The following RYR1 variants were observed in gnomAD, a reference collection of about 807,000 sequenced individuals.
RYR1 encodes central core disease of muscle.
In RYR1, 342 loss-of-function variants were observed where a neutral mutation model predicts 583.5. The observed-to-expected ratio is 0.59, with a 90% CI of 0.54 to 0.64. The LOEUF is 0.64. RYR1 is among the 30% of genes least tolerant of loss of function. The pLI is 0.00. For synonymous variants in RYR1, 2,791 were observed against 2,822.5 expected (o/e 0.99, Z 0.35); for missense variants, 6,032 against 6,917.2 (o/e 0.87, Z 4.54).
At chr19:38,567,179 TA>T (rs371506438) in intron 92 of RYR1, among the ~76,000 whole-genome samples, 192 bp downstream of exon 92, 7 of 149,264 alleles carry the variant, frequency 4.7e-5, no homozygotes, top group African/African-American at 1.7e-4. Context: ...CTGGGCAACA[TA>T]AAAAAAAAAT....
chr19:38,476,261 C>T (rs570220180), intron 29 of RYR1, among the ~76,000 whole-genome samples: 14 of 151,622 alleles, frequency 9.2e-5, no homozygotes, highest in East Asian at 1.9e-4. Context: ...TGCAGTGGCG[C>T]GATCTCGGCT....
At chr19:38,448,040 G>A (rs946526966) in intron 9 of RYR1, among the ~76,000 whole-genome samples, 7 of 151,968 alleles carry the variant, frequency 4.6e-5, no homozygotes, top group African/African-American at 1.7e-4. Flanking sequence ...AGGCCTGAGA[G>A]AGGATTGGGG....
In RYR1 at chr19:38,499,905, C is replaced by T. The variant is rs1190472871; in HGVS notation, c.7215-3C>T. ...CTCCCCAACCCACCCACCTTCCCTG[C>T]AGCTTTGGTGAGGAACCGCCTGAAG... On this transcript the variant is annotated splice_polypyrimidine_tract_variant and splice_region_variant and intron_variant, in intron 44 of 105. Coordinates refer to ENST00000359596, the MANE Select transcript of RYR1 (RefSeq NM_000540.3). This position sits in a 1 kb window ranked among gnomAD's most constrained non-coding sequence, Gnocchi z 7.3. The T allele has an allele frequency of 5.0e-6, 8 of 1,613,728 alleles. No homozygotes were observed. Among genetic ancestry groups the T allele is most frequent in the Non-Finnish European group, 5.1e-6 (6 of 1,179,774 alleles).
chr19:38,559,044 G>A (rs910043366), intron 89 of RYR1, among the ~76,000 whole-genome samples: 5 of 151,616 alleles, frequency 3.3e-5, no homozygotes, highest in Non-Finnish European at 4.4e-5. Context: ...AGCCAAGATC[G>A]TGCCACTGCA....
rs1402639127 is a variant in RYR1 at position 38,475,302 on chromosome 19, C to A, written c.4161-16C>A. ...TTGAAAGCTGGCTCTCATGGCGCCT[C>A]TCCTCCCACTACCAGCTTCTTATTC... On this transcript the variant is annotated splice_polypyrimidine_tract_variant and intron_variant, in intron 28 of 105. Coordinates refer to ENST00000359596, the MANE Select transcript of RYR1 (RefSeq NM_000540.3). 1.9e-6 allele frequency: 3 copies of A among 1,565,166 alleles called. No homozygotes were observed. In the Admixed American group the frequency reaches 5.7e-5, roughly 30 times the overall value.
chr19:38,497,263 C>G (rs918688260), intron 42 of RYR1, among the ~76,000 whole-genome samples: 2 of 150,646 alleles, frequency 1.3e-5, no homozygotes, highest in Non-Finnish European at 2.9e-5. Context: ...GCAGTCTACA[C>G]TTCCGGGCTG....
chr19:38,496,206 C>T lies in RYR1; in HGVS notation c.6549-9C>T, dbSNP rs370994573. ...CCCTGGTGACCCCGCACACTCTGCC[C>T]GTGCACAGGAACATCATGAACAACA... On this transcript the variant is annotated splice_polypyrimidine_tract_variant and intron_variant, in intron 39 of 105. Transcript: ENST00000359596. The surrounding 1 kb of genome is among the most constrained non-coding windows in gnomAD (Gnocchi z 4.8). The T allele has an allele frequency of 9.3e-5, 150 of 1,611,602 alleles. 2 individuals are homozygous for T. Among genetic ancestry groups the T allele is most frequent in the South Asian group, 2.6e-4 (24 of 91,022 alleles).
At chr19:38,497,930 A>T (rs182622382) in intron 42 of RYR1, among the ~76,000 whole-genome samples, 218 of 152,122 alleles carry the variant, frequency 1.4e-3, no homozygotes, top group African/African-American at 4.9e-3. Flanking sequence ...AGCTATGGTC[A>T]CACCACTGCA....
At chr19:38,480,814 G>A (rs1176004897) in intron 31 of RYR1, among the ~76,000 whole-genome samples, 1 of 151,088 alleles carries the variant, frequency 6.6e-6, no homozygotes, top group Non-Finnish European at 1.5e-5. Flanking sequence ...GCATGGTCTT[G>A]GCTCACTGCA....
rs776549411 is a variant in RYR1, at chr19:38,523,358, C to T, written c.10440+49C>T. The T allele has an allele frequency of 4.3e-6, 7 of 1,609,414 alleles. No homozygotes were observed. In the Admixed American group the frequency reaches 6.7e-5, roughly 15 times the overall value. ...GCACTTGGCAGAGAGGGCGGGAGCA[C>T]CCTCTAGGACTTCCTACCTGGCCTG... On this transcript the variant is annotated intron_variant, in intron 69 of 105. Coordinates refer to ENST00000359596, the MANE Select transcript of RYR1 (RefSeq NM_000540.3).
intron 20 of RYR1, among the ~76,000 whole-genome samples, chr19:38,463,098 G>A (rs1006291135): frequency 8.1e-5 from 10 of 124,220 alleles, no homozygotes; most frequent in Admixed American, 2.2e-4. Flanking sequence ...GTGTTTCACC[G>A]TGTTGCCTAG....
intron 20 of RYR1, 114 bp downstream of exon 20, chr19:38,460,705 TG>T: frequency 9.5e-7 from 1 of 1,053,928 alleles, no homozygotes; most frequent in Non-Finnish European, 1.4e-6. Flanking sequence ...TGGCCAGGCG[TG>T]GTGGCTCACG....
rs1468571 is a variant in RYR1 at position 38,578,001 on chromosome 19, A to T, written c.14256A>T (p.Thr4752=). 6.2e-6 allele frequency: 10 copies of T among 1,613,846 alleles called. No individual in the cohort carries two copies. The African/African-American group carries it at 1.2e-4, about 19-fold the overall frequency. Residue 4752 remains threonine (T), a synonymous_variant, in exon 98 of 106, where the codon ACA becomes ACT. Transcript: ENST00000359596. ...TGGACCTGGCCACACTAGAGATCAC[A>T]GCCCACAATGAGCGCAAGCCCAACC... ...LGMDLATLEI[T]AHNERKPNPP... is the part of the protein sequence containing the mutation.
In RYR1 at chr19:38,586,151, G is replaced by A. The variant is rs200777598; in HGVS notation, c.14929G>A (p.Glu4977Lys). ...DYFDTTPHGF[E>K]THTLEEHNLA... ...CTTTGATACGACACCGCATGGCTTC[G>A]AGACTCACACGCTGGAGGAGCACAA... The change falls in exon 104 of 106, where the codon GAG (glutamate) becomes AAG (lysine). Residue 4977 changes from glutamate to lysine, a missense_variant. Coordinates refer to ENST00000359596, the MANE Select transcript of RYR1 (RefSeq NM_000540.3). 1 of 1,614,070 alleles carries A rather than the reference G, an allele frequency of 6.2e-7. No individual in the cohort carries two copies. The highest frequency in any genetic ancestry group is 8.5e-7 in the Non-Finnish European group (1 of 1,180,020).
chr19:38,486,185 C>T lies in RYR1; in HGVS notation c.5530C>T (p.Leu1844Phe), dbSNP rs1969286278. The change falls in exon 34 of 106, where the codon CTC becomes TTC. Residue 1844 changes from leucine (L) to phenylalanine (F), a missense_variant. Leu to Phe is a conservative substitution (Grantham distance 22). Around this residue, in one of 11 missense-constraint regions of RYR1, gnomAD observed 2,627 missense variants for 2,961.3 expected, o/e 0.89. Coordinates refer to ENST00000359596, the MANE Select transcript of RYR1 (RefSeq NM_000540.3). The part of the protein sequence containing the change: ...VEFQFVPVLK[L>F]VSTLLVMGIF... ...GTTCCAGTTTGTGCCTGTGCTCAAG[C>T]TCGTGTCCACCCTGCTGGTAATGGC... The T allele has an allele frequency of 6.2e-7, 1 of 1,612,824 alleles. No individual in the cohort carries two copies. Among genetic ancestry groups the T allele is most frequent in the African/African-American group, 1.3e-5 (1 of 74,910 alleles).
chr19:38,488,762 C>A, intron 34 of RYR1, among the ~76,000 whole-genome samples: 1 of 152,160 alleles, frequency 6.6e-6, no homozygotes, highest in African/African-American at 2.4e-5. Context: ...GCCTTGGTCT[C>A]CCAAAGTGCT....
At chr19:38,577,866 C>A (rs1377679659) in intron 97 of RYR1, 52 bp from the exon 98 acceptor site, 3 of 1,611,322 alleles carry the variant, frequency 1.9e-6, no homozygotes, top group African/African-American at 1.3e-5. Flanking sequence ...CAGGCCACGA[C>A]ACACACCCAC....
rs763522968 is a variant in RYR1 at position 38,515,062 on chromosome 19, G to A, written c.9509G>A (p.Cys3170Tyr). The change falls in exon 64 of 106, where the codon TGC becomes TAC. Residue 3170 changes from cysteine (C) to tyrosine (Y), a missense_variant. Physicochemically the swap from Cys to Tyr is radical, Grantham distance 194. Around this residue, in one of 11 missense-constraint regions of RYR1, gnomAD observed 1,493 missense variants for 1,715.5 expected, o/e 0.87. Coordinates refer to ENST00000359596, the MANE Select transcript of RYR1 (RefSeq NM_000540.3). ...DVQVSCYRTLCSIYSLGTTKN... is the reference protein window; with the variant it reads ...DVQVSCYRTLYSIYSLGTTKN... ...CAGGTCTCTTGCTACCGAACGCTGT[G>A]CAGTATCTACTCCCTGGGAACCACC... 1 of 1,613,504 alleles carries A rather than the reference G, an allele frequency of 6.2e-7. No individual in the cohort carries two copies. The highest frequency in any genetic ancestry group is 1.3e-5 in the African/African-American group (1 of 74,796).
chr19:38,543,981 A>G lies in RYR1; in HGVS notation c.12012+106A>G. The G allele has an allele frequency of 8.8e-7, 1 of 1,139,108 alleles. No homozygotes were observed. The highest frequency in any genetic ancestry group is 1.3e-5 in the South Asian group (1 of 75,812). The allele number at this position is 1,139,108 out of a possible 1,614,324, so 70.6% of individuals were successfully genotyped here. ...AGTTTGTCACCCGAGTGCTCCCGGC[A>G]TGTTCCAGACTGGTTCCCTCTCAGT... On this transcript the variant is annotated intron_variant, in intron 87 of 105. Coordinates refer to ENST00000359596, the MANE Select transcript of RYR1 (RefSeq NM_000540.3). The surrounding 1 kb of genome is among the most constrained non-coding windows in gnomAD (Gnocchi z 4.4).
Sources: allele counts gnomAD v4.1 joint callset (sites outside exome capture counted in the v4.1 genomes callset), GRCh38; gene constraint gnomAD v4.1.1; regional missense constraint gnomAD v4.1.1; non-coding constraint Gnocchi (gnomAD v3.1); transcripts MANE v1.5; gene names NCBI Gene and HGNC (gene_info 2026-07-23, HGNC 2026-07-21).